PWWP3A: variants seen among roughly 807,000 people sequenced by gnomAD.
The protein encoded by PWWP3A is PWWP domain containing 3A, DNA repair factor.
A neutral mutation model predicts 79.0 loss-of-function variants in PWWP3A; 53 were observed. That is an observed-to-expected ratio of 0.67 (90% CI 0.54 to 0.84). The LOEUF (loss-of-function observed/expected upper bound fraction) is 0.84, where lower values mean the gene tolerates loss of function less well. PWWP3A is among the 40% of genes least tolerant of loss of function. The pLI is 0.00. For missense variants in PWWP3A, 973 were observed against 948.0 expected (o/e 1.03, Z -0.35); for synonymous variants, 443 against 394.4 (o/e 1.12, Z -1.46).
At chr19:1,372,434 G>A (rs1205438073) in intron 12 of PWWP3A, 1 of 152,110 alleles carries the variant, frequency 6.6e-6, no homozygotes, top group Non-Finnish European at 1.5e-5. Context: ...GGTATGTATT[G>A]TGTATTCAGG....
chr19:1,375,527 ATTTATATAT>A (rs1448653668), intron 13 of PWWP3A, among the ~76,000 whole-genome samples: 2 of 9,066 alleles, frequency 2.2e-4, no homozygotes, highest in Non-Finnish European at 3.8e-4. Context: ...AAATCATATA[ATTTATATAT>A]TTTATATATA....
rs1436725068 is a variant in PWWP3A at position 1,375,562 on chromosome 19, AT to A, written c.2076-956del. Reference sequence around the variant, plus strand: ...TTTATATATAAAATATATATTATATATAAAATATATTATATATAAAATGTAT... The same window carrying A: ...TTTATATATAAAATATATATTATATAAAAATATATTATATATAAAATGTAT... On this transcript the variant is annotated intron_variant, in intron 13 of 13. Coordinates refer to ENST00000591337, the MANE Select transcript of PWWP3A (RefSeq NM_001369789.1). Among the ~76,000 whole-genome samples the A allele has an allele frequency of 3.9e-4, 55 of 139,658 alleles. 2 individuals carry two copies. The South Asian group carries it at 6.8e-3, about 17-fold the overall frequency. 91.6% of individuals were successfully genotyped at this position (139,658 alleles called of 152,430 possible).
intron 4 of PWWP3A, chr19:1,358,832 C>T (rs556209289): frequency 2.7e-5 from 14 of 514,158 alleles, no homozygotes; most frequent in Admixed American, 7.1e-5. Context: ...GTGGTACTGT[C>T]GCTGCCTGGC....
chr19:1,357,295 A>G (rs749545476), intron 3 of PWWP3A: 30 of 521,210 alleles, frequency 5.8e-5, no homozygotes, highest in South Asian at 1.0e-4. Flanking sequence ...TGAAGATCCA[A>G]ACGAGGCATT....
intron 3 of PWWP3A, 36 bp from the exon 4 acceptor site, chr19:1,358,358 G>A (rs1449922834): frequency 8.3e-6 from 13 of 1,571,998 alleles, no homozygotes; most frequent in African/African-American, 1.4e-5. Context: ...TGGCGGCGTT[G>A]GCTGGTGGTG....
rs902620396 is a variant in PWWP3A, at chr19:1,368,518, T to A, written c.1423-747T>A. On this transcript the variant is annotated intron_variant, in intron 9 of 13. Coordinates refer to ENST00000591337, the MANE Select transcript of PWWP3A (RefSeq NM_001369789.1). This position sits in a 1 kb window ranked among gnomAD's most constrained non-coding sequence, Gnocchi z 4.7. ...GCTGCTGGGCAGGCAGAGAGCGGCG[T>A]CCACCCGGCCCTGGGATGTGCTTAT... Among the ~76,000 whole-genome samples, 3 of 152,010 alleles carry A rather than the reference T, an allele frequency of 2.0e-5. No individual in the cohort carries two copies. The highest frequency in any genetic ancestry group is 2.9e-5 in the Non-Finnish European group (2 of 67,994).
chr19:1,371,012 G>C lies in PWWP3A; in HGVS notation c.1920G>C (p.Gly640=). The change falls in exon 12 of 14, where the codon GGG becomes GGC. Residue 640 remains glycine (G), a synonymous_variant. Transcript: ENST00000591337. ...KYLQGVYQEV[G]AKVLQRTNGD... Reference sequence around the variant, plus strand: ...TGCAGGGCGTCTACCAGGAGGTGGGGGCCAAGGTGCTCCAGCGCACCAACG... The same window carrying C: ...TGCAGGGCGTCTACCAGGAGGTGGGCGCCAAGGTGCTCCAGCGCACCAACG... The C allele has an allele frequency of 6.4e-7, 1 of 1,573,490 alleles. No individual in the cohort carries two copies. Among genetic ancestry groups the C allele is most frequent in the Non-Finnish European group, 8.6e-7 (1 of 1,159,262 alleles).
chr19:1,358,672 CCTATT>C, intron 4 of PWWP3A: 1 of 1,527,366 alleles, frequency 6.5e-7, no homozygotes, highest in Non-Finnish European at 8.8e-7. Flanking sequence ...TAGAACCACT[CCTATT>C]CTTGACGCCC....
At position 1,374,556 on chromosome 19, in the gene PWWP3A, T is replaced by C. The variant is rs150318371; in HGVS notation, c.2075+1396T>C. On this transcript the variant is annotated intron_variant, in intron 13 of 13. Coordinates refer to ENST00000591337, the MANE Select transcript of PWWP3A (RefSeq NM_001369789.1). ...CCTCAGGTCTGCCTTTCTCTGGTGC[T>C]GCGGCCGGTGTGCTCTCCCCTATTT... Among the ~76,000 whole-genome samples, 309 of 152,300 alleles carry C rather than the reference T, an allele frequency of 2.0e-3. 4 individuals are homozygous for C. The East Asian group carries it at 0.052, about 26-fold the overall frequency.
At chr19:1,358,320 C>T (rs1034564436) in intron 3 of PWWP3A, 74 bp from the exon 4 acceptor site, 22 of 1,361,926 alleles carry the variant, frequency 1.6e-5, no homozygotes, top group Non-Finnish European at 2.2e-5. Flanking sequence ...CTTTTGTTAT[C>T]TAAAGGAAAA....
chr19:1,358,184 A>G, intron 3 of PWWP3A: 1 of 506,706 alleles, frequency 2.0e-6, no homozygotes, highest in Non-Finnish European at 3.5e-6. Context: ...TTTCTGTCTT[A>G]AAAGGAAAAA....
rs370026375 is a variant in PWWP3A, at chr19:1,357,106, T to C, written c.143+12T>C. 9.4e-6 allele frequency: 15 copies of C among 1,593,902 alleles called. No individual in the cohort carries two copies. Among genetic ancestry groups the C allele is most frequent in the Non-Finnish European group, 1.1e-5 (13 of 1,166,372 alleles). On this transcript the variant is annotated intron_variant, in intron 3 of 13. Transcript: ENST00000591337. ...TCTCTAGAGGAAAAGTTAAGTGTTG[T>C]GTTGTTTTAATACTGTTTTTTCCCG...
At chr19:1,376,295 GTT>G (rs754438911) in intron 13 of PWWP3A, among the ~76,000 whole-genome samples, 1 of 67,048 alleles carries the variant, frequency 1.5e-5, no homozygotes, top group African/African-American at 5.6e-5. Flanking sequence ...CCGGCTGTTT[GTT>G]TTTTTTTTTG....
chr19:1,356,658 A>AC (rs927810597), intron 2 of PWWP3A, among the ~76,000 whole-genome samples: 9 of 140,524 alleles, frequency 6.4e-5, no homozygotes, highest in African/African-American at 2.7e-4. Flanking sequence ...TTTCACACTA[A>AC]AAAAAAAAAA....
intron 4 of PWWP3A, chr19:1,359,508 A>G (rs562705378): frequency 6.6e-6 from 1 of 151,822 alleles, no homozygotes; most frequent in Non-Finnish European, 1.5e-5. Context: ...TTGTGATATT[A>G]CATCCATCAT....
chr19:1,359,458 G>C (rs182091405), intron 4 of PWWP3A: 1 of 151,112 alleles, frequency 6.6e-6, no homozygotes, highest in Non-Finnish European at 1.5e-5. Flanking sequence ...ATATTCAAAG[G>C]GGAGAATACT....
intron 1 of PWWP3A, 54 bp from the exon 2 acceptor site, chr19:1,356,270 C>T: frequency 1.1e-6 from 1 of 927,790 alleles, no homozygotes; most frequent in Non-Finnish European, 1.7e-6. Context: ...GCTGTGTCTG[C>T]GTTAACATCG....
rs371207367 is a variant in PWWP3A at position 1,376,311 on chromosome 19, GTTT to G, written c.2076-195_2076-193del. On this transcript the variant is annotated intron_variant, in intron 13 of 13. Coordinates refer to ENST00000591337, the MANE Select transcript of PWWP3A (RefSeq NM_001369789.1). ...CGGCTGTTTGTTTTTTTTTTTGTTT[GTTT>G]TTTTTTTTTTTTGGTATTTTTTGTA... Among the ~76,000 whole-genome samples the G allele has an allele frequency of 1.1e-4, 8 of 69,886 alleles. 1 individual carries two copies. The highest frequency in any genetic ancestry group is 7.8e-4 in the Admixed American group (4 of 5,100). The allele number at this position is 69,886 out of a possible 152,430, so 45.8% of individuals were successfully genotyped here. A position where few individuals can be genotyped will look rare whatever the true frequency, so the allele number is the denominator to read the frequency against.
rs892109765 is a variant in PWWP3A, at chr19:1,369,732, G to T, written c.1549+86G>T. On this transcript the variant is annotated intron_variant, in intron 11 of 13. Coordinates refer to ENST00000591337, the MANE Select transcript of PWWP3A (RefSeq NM_001369789.1). This position sits in a 1 kb window ranked among gnomAD's most constrained non-coding sequence, Gnocchi z 4.0. ...TCTTCTATGTCTGAAGCTGTGGAAG[G>T]GGACGTTGGGGTCAAGGCACTGTCC... is the stretch of plus-strand genomic sequence containing the variant. The T allele has an allele frequency of 2.9e-5, 41 of 1,426,552 alleles. No homozygotes were observed. The highest frequency in any genetic ancestry group is 3.8e-5 in the Non-Finnish European group (38 of 1,009,272). The allele number at this position is 1,426,552 out of a possible 1,614,324, so 88.4% of individuals were successfully genotyped here.
Sources: gnomAD v4.1 joint callset for allele counts (sites outside exome capture counted in the v4.1 genomes callset) on GRCh38, gnomAD v4.1.1 for gene constraint, Gnocchi (gnomAD v3.1) non-coding constraint, MANE v1.5 for transcripts, NCBI Gene and HGNC (gene_info 2026-07-23, HGNC 2026-07-21) for gene names.